C1orf105: variants seen among roughly 807,000 people sequenced by gnomAD.
C1orf105 encodes the protein chromosome 1 open reading frame 105.
In C1orf105, 17 loss-of-function variants were observed where a neutral mutation model predicts 20.8. The ratio of observed to expected loss-of-function variants is 0.82; its 90% CI spans 0.56 to 1.23. The LOEUF (loss-of-function observed/expected upper bound fraction) is 1.23, where lower values mean the gene tolerates loss of function less well. Among genes scored for constraint, C1orf105 ranks in the 50% most tolerant of loss-of-function variants. The pLI is 0.00. For missense variants in C1orf105, 219 were observed against 213.5 expected (o/e 1.03, Z -0.16); for synonymous variants, 72 against 72.1 (o/e 1.00, Z 0.01).
At chr1:172,446,753 G>A (rs930976850) in intron 2 of C1orf105, among the ~76,000 whole-genome samples, 2 of 152,126 alleles carry the variant, frequency 1.3e-5, no homozygotes, top group African/African-American at 4.8e-5. Context: ...ACTGGGCATC[G>A]GCAGCACCTG....
chr1:172,428,344 C>G (rs1045531589), intron 1 of C1orf105, among the ~76,000 whole-genome samples: 1 of 152,182 alleles, frequency 6.6e-6, no homozygotes, highest in African/African-American at 2.4e-5. Flanking sequence ...TATGTATCTT[C>G]TTTTTCTCCA....
chr1:172,444,784 A>T (rs1190578237), intron 1 of C1orf105, among the ~76,000 whole-genome samples: 2 of 152,256 alleles, frequency 1.3e-5, no homozygotes, highest in South Asian at 2.1e-4. Context: ...AAACAAAGGG[A>T]TGTAGTAAAA....
At chr1:172,465,528 C>T (rs1649985570) in intron 6 of C1orf105, 165 bp downstream of exon 6, 1 of 697,826 alleles carries the variant, frequency 1.4e-6, no homozygotes, top group Admixed American at 2.0e-5. Flanking sequence ...AATTGGTTCA[C>T]AGCCCTTCTT....
At chr1:172,421,062 G>A (rs1393311360) in intron 1 of C1orf105, among the ~76,000 whole-genome samples, 156 bp downstream of exon 1, 4 of 152,212 alleles carry the variant, frequency 2.6e-5, no homozygotes, top group Non-Finnish European at 4.4e-5. Flanking sequence ...AACAGCTGAT[G>A]TTCAGTTACA....
At chr1:172,453,415 A>G (rs1430057165) in intron 3 of C1orf105, among the ~76,000 whole-genome samples, 1 of 152,258 alleles carries the variant, frequency 6.6e-6, no homozygotes, top group Non-Finnish European at 1.5e-5. Flanking sequence ...TCCCCAGTGC[A>G]TTACATAGAA....
chr1:172,461,820 GC>G (rs1170009012), intron 4 of C1orf105, among the ~76,000 whole-genome samples: 1 of 152,150 alleles, frequency 6.6e-6, no homozygotes, highest in African/African-American at 2.4e-5. Flanking sequence ...GATCCAGGAG[GC>G]CCTAAGAACA....
chr1:172,429,357 C>G (rs1055041985), intron 1 of C1orf105, among the ~76,000 whole-genome samples: 24 of 152,310 alleles, frequency 1.6e-4, no homozygotes, highest in African/African-American at 5.8e-4. Context: ...CCCCAGTATG[C>G]TATTTACCTC....
intron 1 of C1orf105, among the ~76,000 whole-genome samples, chr1:172,444,869 T>G (rs1433344571): frequency 6.6e-6 from 1 of 152,256 alleles, no homozygotes; most frequent in Non-Finnish European, 1.5e-5. Context: ...CAAATCACAC[T>G]ACCTGAGCTT....
chr1:172,446,664 C>T (rs1648037005), intron 2 of C1orf105, among the ~76,000 whole-genome samples: 1 of 152,226 alleles, frequency 6.6e-6, no homozygotes, highest in Admixed American at 6.5e-5. Flanking sequence ...GCTCTCTTGC[C>T]CCCAGCTCCC....
chr1:172,434,008 A>AG (rs766928588), intron 1 of C1orf105, among the ~76,000 whole-genome samples: 4 of 152,166 alleles, frequency 2.6e-5, no homozygotes, highest in Non-Finnish European at 2.9e-5. Flanking sequence ...AGACAAAGAA[A>AG]GCCATTACAT....
intron 1 of C1orf105, chr1:172,443,797 A>G (rs1345941107): frequency 7.2e-5 from 17 of 236,448 alleles, no homozygotes; most frequent in Non-Finnish European, 1.2e-4. Context: ...CCGCCCGCAG[A>G]GTGGGGCTGG....
At chr1:172,430,476 T>A in intron 1 of C1orf105, 1 of 584,458 alleles carries the variant, frequency 1.7e-6, no homozygotes, top group Non-Finnish European at 3.1e-6. Context: ...GGGTCTTGCT[T>A]TTTGCCCATG....
chr1:172,422,779 C>T, intron 1 of C1orf105, among the ~76,000 whole-genome samples: 1 of 152,014 alleles, frequency 6.6e-6, no homozygotes, highest in South Asian at 2.1e-4. Context: ...AGTCACTTTC[C>T]TGGCAGCATC....
chr1:172,452,827 C>T lies in C1orf105; in HGVS notation c.199-3588C>T, dbSNP rs1644232472. On this transcript the variant is annotated intron_variant, in intron 3 of 6. Transcript: ENST00000367727. ...AGGACAGCTGCTTGGGAAATGAGGGCCCCATTAACATTCCAGTGCCTCTGG... is the reference window on the plus strand; with the variant it reads ...AGGACAGCTGCTTGGGAAATGAGGGTCCCATTAACATTCCAGTGCCTCTGG... The T allele has an allele frequency of 1.4e-5, 19 of 1,403,000 alleles. No individual in the cohort carries two copies. The South Asian group carries it at 2.6e-4, about 19-fold the overall frequency. 86.9% of individuals were successfully genotyped at this position (1,403,000 alleles called of 1,614,324 possible).
chr1:172,466,220 G>A (rs1380572175), intron 6 of C1orf105, among the ~76,000 whole-genome samples: 2 of 152,170 alleles, frequency 1.3e-5, no homozygotes, highest in Non-Finnish European at 2.9e-5. Flanking sequence ...CCAAAAGGGA[G>A]GACCAGAACT....
intron 1 of C1orf105, among the ~76,000 whole-genome samples, chr1:172,435,430 G>C (rs529122197): frequency 1.3e-5 from 2 of 152,246 alleles, no homozygotes; most frequent in Admixed American, 1.3e-4. Context: ...GGGATGCAAG[G>C]CTGGTTCAAC....
intron 3 of C1orf105, among the ~76,000 whole-genome samples, chr1:172,453,383 T>C (rs183473560): frequency 1.3e-5 from 2 of 152,342 alleles, no homozygotes; most frequent in Admixed American, 6.5e-5. Context: ...ACAGAGCTTT[T>C]TGGGCGTCTA....
At chr1:172,452,902 C>T in intron 3 of C1orf105, 1 of 1,490,230 alleles carries the variant, frequency 6.7e-7, no homozygotes, top group Non-Finnish European at 8.9e-7. Flanking sequence ...TGGACAATTC[C>T]CTCTCCATTC....
At chr1:172,425,086 G>C (rs1419266406) in intron 1 of C1orf105, among the ~76,000 whole-genome samples, 2 of 152,234 alleles carry the variant, frequency 1.3e-5, no homozygotes, top group African/African-American at 4.8e-5. Flanking sequence ...AAGAATTACA[G>C]AGCTAGTCTG....
Sources: allele counts gnomAD v4.1 joint callset (sites outside exome capture counted in the v4.1 genomes callset), GRCh38; gene constraint gnomAD v4.1.1; transcripts MANE v1.5; gene names NCBI Gene and HGNC (gene_info 2026-07-23, HGNC 2026-07-21).